KCNU1: variants seen among roughly 807,000 people sequenced by gnomAD.
KCNU1 encodes the protein potassium calcium-activated channel subfamily U member 1, also known as potassium channel subfamily U member 1.
In KCNU1, 93 loss-of-function variants were observed where a neutral mutation model predicts 126.8. The observed-to-expected ratio is 0.73, with a 90% CI of 0.62 to 0.87. KCNU1 has a LOEUF of 0.87. KCNU1 is among the 40% of genes least tolerant of loss of function. The pLI, the probability that KCNU1 is intolerant of heterozygous loss-of-function variation, is 0.00. For synonymous variants in KCNU1, 523 were observed against 494.2 expected (o/e 1.06, Z -0.77); for missense variants, 1,330 against 1,367.1 (o/e 0.97, Z 0.43).
chr8:36,933,204 G>A (rs376437823), intron 26 of KCNU1, among the ~76,000 whole-genome samples, 172 bp downstream of exon 26: 1 of 152,012 alleles, frequency 6.6e-6, no homozygotes, highest in Non-Finnish European at 1.5e-5. Context: ...AAACAAGGGG[G>A]ACCTGAATAA....
chr8:36,866,741 A>G (rs1805925354), intron 19 of KCNU1, among the ~76,000 whole-genome samples: 1 of 152,140 alleles, frequency 6.6e-6, no homozygotes, highest in African/African-American at 2.4e-5. Flanking sequence ...AGATGGGTGA[A>G]CAAGATGGAT....
At chr8:36,911,817 C>G (rs975661619) in intron 22 of KCNU1, among the ~76,000 whole-genome samples, 2 of 152,126 alleles carry the variant, frequency 1.3e-5, no homozygotes, top group Non-Finnish European at 2.9e-5. Context: ...GCTGTGACAC[C>G]TGAGGAGCTT....
rs184814029 is a variant in KCNU1 at position 36,926,561 on chromosome 8, G to A, written c.2736+3932G>A. On this transcript the variant is annotated intron_variant, in intron 24 of 26. Transcript: ENST00000399881. ...TCATTCCCTTGAAGTTAGGATGAAG[G>A]ACCAACAGAGAGGCATAACATAAAC... 3.7e-4 allele frequency among the ~76,000 whole-genome samples: 57 copies of A among 152,204 alleles called. 1 individual carries two copies. Among genetic ancestry groups the A allele is most frequent in the Admixed American group, 2.4e-3 (36 of 15,276 alleles).
At chr8:36,790,650 C>T (rs1164349952) in intron 2 of KCNU1, among the ~76,000 whole-genome samples, 11 of 151,900 alleles carry the variant, frequency 7.2e-5, no homozygotes, top group Admixed American at 7.2e-4. Context: ...TTTAAACAGA[C>T]CAAATATCTG....
intron 10 of KCNU1, among the ~76,000 whole-genome samples, chr8:36,822,900 G>A (rs1205437455): frequency 6.6e-6 from 1 of 152,116 alleles, no homozygotes; most frequent in East Asian, 1.9e-4. Context: ...TATACATTTT[G>A]TATATGTACT....
chr8:36,914,943 T>A (rs534064178), intron 22 of KCNU1, among the ~76,000 whole-genome samples: 1 of 152,294 alleles, frequency 6.6e-6, no homozygotes, highest in South Asian at 2.1e-4. Flanking sequence ...ATATTGACAT[T>A]AGTAAAATGT....
At chr8:36,908,553 A>C (rs1807728712) in intron 20 of KCNU1, among the ~76,000 whole-genome samples, 1 of 127,532 alleles carries the variant, frequency 7.8e-6, no homozygotes, top group Admixed American at 9.9e-5. Flanking sequence ...ATGAACCTGG[A>C]GACCATCATT....
intron 6 of KCNU1, among the ~76,000 whole-genome samples, chr8:36,808,083 T>C (rs147772572): frequency 1.3e-5 from 2 of 152,260 alleles, no homozygotes; most frequent in Admixed American, 6.5e-5. Context: ...ATTTCACTGC[T>C]ACGTGTTTAT....
intron 24 of KCNU1, among the ~76,000 whole-genome samples, chr8:36,926,220 G>C (rs566390111): frequency 1.3e-5 from 2 of 152,286 alleles, no homozygotes; most frequent in Admixed American, 6.5e-5. Context: ...TCATTTACCA[G>C]TAACAAGTTG....
At chr8:36,803,351 G>C (rs1803380276) in intron 2 of KCNU1, among the ~76,000 whole-genome samples, 1 of 152,140 alleles carries the variant, frequency 6.6e-6, no homozygotes, top group Non-Finnish European at 1.5e-5. Context: ...CTGGAGGAAT[G>C]TTAAATTACC....
Position 36,864,384 on chromosome 8 carries a change from A to C in KCNU1, c.1892-20A>C. 1 of 1,400,704 alleles carries C rather than the reference A, an allele frequency of 7.1e-7. No individual in the cohort carries two copies. The highest frequency in any genetic ancestry group is 1.0e-6 in the Non-Finnish European group (1 of 985,570). The allele number at this position is 1,400,704 out of a possible 1,614,324, so 86.8% of individuals were successfully genotyped here. A position where few individuals can be genotyped will look rare whatever the true frequency, so the allele number is the denominator to read the frequency against. The stretch of plus-strand genomic sequence containing the variant: ...TGTGAAGAGATGTGCCAACTCACTG[A>C]GATTTCTATCCTATTGCAGTGCCAT... On this transcript the variant is annotated intron_variant, in intron 18 of 26. Coordinates refer to ENST00000399881, the MANE Select transcript of KCNU1 (RefSeq NM_001031836.3).
At chr8:36,883,464 G>C (rs187402649) in intron 19 of KCNU1, among the ~76,000 whole-genome samples, 9 of 152,132 alleles carry the variant, frequency 5.9e-5, no homozygotes, top group African/African-American at 2.2e-4. Flanking sequence ...ATTTCTCCTT[G>C]TTGTGCTTTG....
chr8:36,913,891 A>G (rs4739454), intron 22 of KCNU1, among the ~76,000 whole-genome samples: 88,107 of 151,838 alleles, frequency 0.58, 25,637 homozygotes, highest in South Asian at 0.63. Flanking sequence ...TTGAGCCACC[A>G]CGCCTGGCCA....
chr8:36,817,653 T>TC lies in KCNU1; in HGVS notation c.999_1000insC (p.Ile334HisfsTer30). 1 of 1,595,846 alleles carries TC rather than the reference T, an allele frequency of 6.3e-7. No individual in the cohort carries two copies. The highest frequency in any genetic ancestry group is 8.6e-7 in the Non-Finnish European group (1 of 1,163,566). Reference sequence around the variant, plus strand: ...CTCACCTGTTTTTGCTGCCTAGGTTTATTGTGGTCTGTGGAAACATCACTG... The same window carrying TC: ...CTCACCTGTTTTTGCTGCCTAGGTTTCATTGTGGTCTGTGGAAACATCACTG... On this transcript the variant is annotated frameshift_variant, in exon 10 of 27. Coordinates refer to ENST00000399881, the MANE Select transcript of KCNU1 (RefSeq NM_001031836.3). LOFTEE classifies it high-confidence loss of function.
At chr8:36,828,520 A>G (rs1393066601) in intron 10 of KCNU1, among the ~76,000 whole-genome samples, 1 of 152,074 alleles carries the variant, frequency 6.6e-6, no homozygotes, top group Non-Finnish European at 1.5e-5. Context: ...TATCATACCA[A>G]TGTAATCTTT....
At chr8:36,833,482 G>T in intron 10 of KCNU1, 72 bp from the exon 11 acceptor site, 2 of 842,720 alleles carry the variant, frequency 2.4e-6, no homozygotes, top group Non-Finnish European at 2.0e-6. Flanking sequence ...CACCAAATTA[G>T]TTATAAAAAC....
chr8:36,807,729 CAA>C (rs754633781), intron 6 of KCNU1, among the ~76,000 whole-genome samples: 179 of 110,388 alleles, frequency 1.6e-3, no homozygotes, highest in Admixed American at 2.0e-3. Flanking sequence ...GTCCCTCCAC[CAA>C]AAAAAAAAAA....
chr8:36,906,345 A>G (rs542388046), intron 20 of KCNU1, among the ~76,000 whole-genome samples: 145 of 152,264 alleles, frequency 9.5e-4, no homozygotes, highest in African/African-American at 3.3e-3. Flanking sequence ...ATCTTTGTAG[A>G]TATTACAGTC....
chr8:36,911,562 T>A (rs530779662), intron 22 of KCNU1, among the ~76,000 whole-genome samples: 5 of 152,278 alleles, frequency 3.3e-5, no homozygotes, highest in Admixed American at 1.3e-4. Context: ...TGAACCATGA[T>A]TCTCTTTTAC....
Sources: gnomAD v4.1 joint callset for allele counts (sites outside exome capture counted in the v4.1 genomes callset) on GRCh38, gnomAD v4.1.1 for gene constraint, MANE v1.5 for transcripts, NCBI Gene and HGNC (gene_info 2026-07-23, HGNC 2026-07-21) for gene names.